Variants in ICA1L observed in about 807,000 individuals in gnomAD.
The protein encoded by ICA1L is islet cell autoantigen 1-like protein.
ICA1L carries 50 observed loss-of-function variants against 61.3 expected under a neutral mutation model. That is an observed-to-expected ratio of 0.82 (90% CI 0.65 to 1.03). The LOEUF is 1.03. Ranked by LOEUF, ICA1L falls within the 50% of genes least tolerant of loss-of-function variation. The probability of loss-of-function intolerance (pLI) is 0.00; values close to 1 mark genes in which losing one functional copy is unlikely to be tolerated. For synonymous variants in ICA1L, 161 were observed against 191.3 expected (o/e 0.84, Z 1.31); for missense variants, 508 against 556.7 (o/e 0.91, Z 0.88).
Position 202,776,885 on chromosome 2 carries a change from A to G in ICA1L, c.*2648T>C, listed in dbSNP as rs1241480950. ...AAAATTTAGGGTGTTCCTAGTATGG[A>G]CTTTGGGTTTCTGCTTTGTCTGCTT... is the stretch of plus-strand genomic sequence containing the variant. On this transcript the variant is annotated 3_prime_UTR_variant, in exon 13 of 13. Transcript: ENST00000358299. 1 of 152,050 alleles carries G rather than the reference A, an allele frequency of 6.6e-6. No individual in the cohort carries two copies. The highest frequency in any genetic ancestry group is 1.5e-5 in the Non-Finnish European group (1 of 68,018). 9.4% of individuals were successfully genotyped at this position (152,050 alleles called of 1,614,324 possible).
intron 9 of ICA1L, among the ~76,000 whole-genome samples, chr2:202,811,129 T>C (rs1345747114): frequency 6.6e-6 from 1 of 152,066 alleles, no homozygotes; most frequent in African/African-American, 2.4e-5. Flanking sequence ...CTTTTGAAAA[T>C]CACTAATAAA....
intron 12 of ICA1L, among the ~76,000 whole-genome samples, chr2:202,782,696 C>T (rs115742265): frequency 0.025 from 3,844 of 152,080 alleles, 170 homozygotes; most frequent in African/African-American, 0.088. Context: ...CATGAGCCAC[C>T]GCACCCAGAC....
intron 3 of ICA1L, among the ~76,000 whole-genome samples, chr2:202,824,269 C>A (rs1693774078): frequency 6.6e-6 from 1 of 152,008 alleles, no homozygotes; most frequent in Admixed American, 6.6e-5. Flanking sequence ...GGCATGGTGG[C>A]AGGTGCCTGT....
intron 8 of ICA1L, 79 bp from the exon 9 acceptor site, chr2:202,811,868 G>A (rs550147288): frequency 1.9e-6 from 2 of 1,039,584 alleles, no homozygotes; most frequent in Admixed American, 2.1e-5. Context: ...AGTTTTATAT[G>A]GTTAAAAAAA....
At chr2:202,788,458 T>C (rs540597662) in intron 11 of ICA1L, among the ~76,000 whole-genome samples, 1 of 152,274 alleles carries the variant, frequency 6.6e-6, no homozygotes, top group East Asian at 1.9e-4. Context: ...GGAACCAGCC[T>C]CCAGAGCTGT....
chr2:202,815,331 T>C (rs1693502780), intron 7 of ICA1L, among the ~76,000 whole-genome samples: 1 of 152,242 alleles, frequency 6.6e-6, no homozygotes, highest in East Asian at 1.9e-4. Context: ...AAATACCACA[T>C]CCAGCTTGAA....
rs753481599 is a variant in ICA1L at position 202,777,684 on chromosome 2, T to A, written c.*1849A>T. 1.3e-5 allele frequency: 2 copies of A among 152,100 alleles called. No homozygotes were observed. Among genetic ancestry groups the A allele is most frequent in the African/African-American group, 4.8e-5 (2 of 41,394 alleles). 9.4% of individuals were successfully genotyped at this position (152,100 alleles called of 1,614,324 possible). ...TACTGTACTTGGCCATTGTAGTAGTTTTCTGGAGAGCCTGTGGGCAGTTAC... is the reference window on the plus strand; with the variant it reads ...TACTGTACTTGGCCATTGTAGTAGTATTCTGGAGAGCCTGTGGGCAGTTAC... On this transcript the variant is annotated 3_prime_UTR_variant, in exon 13 of 13. Transcript: ENST00000358299.
At chr2:202,793,863 G>A (rs1303557701) in intron 10 of ICA1L, among the ~76,000 whole-genome samples, 8 of 151,806 alleles carry the variant, frequency 5.3e-5, no homozygotes, top group Admixed American at 3.3e-4. Context: ...GCGTGCACCT[G>A]TAATCCCAGC....
chr2:202,813,501 TG>T (rs1033667679), intron 8 of ICA1L, among the ~76,000 whole-genome samples: 76 of 152,310 alleles, frequency 5.0e-4, no homozygotes, highest in African/African-American at 1.8e-3. Context: ...TTCTGCAGGT[TG>T]GGAAGTTCAA....
Position 202,828,856 on chromosome 2 carries a change from T to C in ICA1L, c.154A>G (p.Lys52Glu). Residue 52 changes from lysine to glutamate, a missense_variant, in exon 2 of 13, where the codon AAA (lysine) becomes GAA (glutamate). By Grantham distance (56) the Lys-to-Glu change is moderately conservative. Transcript: ENST00000358299. ...LVASDAELDA[K>E]LEVFHSVQET... ...AGAATCCTCAAATTTACCTCAAGTT[T>C]AGCATCCAGTTCAGCATCAGACGCC... The C allele has an allele frequency of 6.2e-7, 1 of 1,613,810 alleles. No individual in the cohort carries two copies. The highest frequency in any genetic ancestry group is 8.5e-7 in the Non-Finnish European group (1 of 1,179,742).
intron 9 of ICA1L, among the ~76,000 whole-genome samples, chr2:202,808,509 G>C (rs543231757): frequency 6.6e-6 from 1 of 152,308 alleles, no homozygotes; most frequent in East Asian, 1.9e-4. Flanking sequence ...TCTGGGATCT[G>C]CTCTAGGCTG....
intron 1 of ICA1L, among the ~76,000 whole-genome samples, chr2:202,861,297 A>C (rs564162094): frequency 6.9e-6 from 1 of 144,984 alleles, no homozygotes; most frequent in South Asian, 2.3e-4. Context: ...CCCAGCTACT[A>C]GGGAGGCTGA....
intron 1 of ICA1L, chr2:202,840,524 G>A (rs1694297359): frequency 1.8e-6 from 1 of 545,108 alleles, no homozygotes. Context: ...CAGACCACCT[G>A]CATAGCCACT....
In ICA1L at chr2:202,829,093, A is replaced by G. The variant is rs1025514061; in HGVS notation, c.-7-77T>C. ...GCTGGGCACGGTGGCTCACGCCTGT[A>G]ATTCCACAACTTTGGGAGGCTGAGG... is the stretch of plus-strand genomic sequence containing the variant. On this transcript the variant is annotated intron_variant, in intron 1 of 12. Transcript: ENST00000358299. 7 of 1,249,038 alleles carry G rather than the reference A, an allele frequency of 5.6e-6. No individual in the cohort carries two copies. In the African/African-American group the frequency reaches 1.1e-4, roughly 19 times the overall value. The allele number at this position is 1,249,038 out of a possible 1,614,324, so 77.4% of individuals were successfully genotyped here. A position where few individuals can be genotyped will look rare whatever the true frequency, so the allele number is the denominator to read the frequency against.
At chr2:202,812,941 T>C (rs1271344590) in intron 8 of ICA1L, among the ~76,000 whole-genome samples, 1 of 152,168 alleles carries the variant, frequency 6.6e-6, no homozygotes, top group Non-Finnish European at 1.5e-5. Flanking sequence ...TAAATTAATA[T>C]GGTTCATATA....
intron 1 of ICA1L, among the ~76,000 whole-genome samples, chr2:202,866,673 C>T (rs1219577328): frequency 1.3e-5 from 2 of 152,162 alleles, no homozygotes; most frequent in African/African-American, 4.8e-5. Context: ...CCCGGCGAGG[C>T]GCGGTAGCTC....
intron 1 of ICA1L, chr2:202,841,677 A>T: frequency 1.8e-6 from 1 of 556,072 alleles, no homozygotes; most frequent in Non-Finnish European, 3.5e-6. Flanking sequence ...GAGCTGATGC[A>T]GGCACCGGGC....
At chr2:202,785,826 T>A in intron 12 of ICA1L, 92 bp downstream of exon 12, 1 of 682,856 alleles carries the variant, frequency 1.5e-6, no homozygotes, top group South Asian at 2.1e-5. Context: ...GACAATGAGG[T>A]GAAAACAATA....
intron 1 of ICA1L, among the ~76,000 whole-genome samples, chr2:202,843,589 T>C (rs148829929): frequency 6.6e-6 from 1 of 152,086 alleles, no homozygotes; most frequent in East Asian, 1.9e-4. Context: ...GATGCACAAA[T>C]GTGTGGAGGT....
Sources: allele counts gnomAD v4.1 joint callset (sites outside exome capture counted in the v4.1 genomes callset), GRCh38; gene constraint gnomAD v4.1.1; transcripts MANE v1.5; gene names NCBI Gene and HGNC (gene_info 2026-07-23, HGNC 2026-07-21).